The following RAB6A variants were observed in gnomAD, a reference collection of about 807,000 sequenced individuals.
The protein encoded by RAB6A is ras-related protein Rab-6A.
A neutral mutation model predicts 32.3 loss-of-function variants in RAB6A; 8 were observed. That is an observed-to-expected ratio of 0.25 (90% CI 0.15 to 0.45). RAB6A has a LOEUF of 0.45. Ranked by LOEUF, RAB6A falls within the 20% of genes least tolerant of loss-of-function variation. RAB6A has a pLI of 1.00. For missense variants in RAB6A, 104 were observed against 249.4 expected (o/e 0.42, Z 3.93); for synonymous variants, 73 against 82.1 (o/e 0.89, Z 0.60).
rs576899255 is a variant in RAB6A, at chr11:73,732,738, C to T, written c.71-1915G>A. ...GTGCACCACTGTACTACAGTCTGGG[C>T]GACACAGTGAGACTCTGTCTCAAAG... On this transcript the variant is annotated intron_variant, in intron 1 of 7. Coordinates refer to ENST00000336083, the MANE Select transcript of RAB6A (RefSeq NM_198896.2). Among the ~76,000 whole-genome samples, 25 of 152,184 alleles carry T rather than the reference C, an allele frequency of 1.6e-4. No homozygotes were observed. In the South Asian group the frequency reaches 2.7e-3, roughly 16 times the overall value.
intron 1 of RAB6A, among the ~76,000 whole-genome samples, chr11:73,747,548 A>C (rs1335202801): frequency 2.0e-5 from 3 of 152,060 alleles, no homozygotes; most frequent in Non-Finnish European, 4.4e-5. Context: ...ACAATTATCA[A>C]AACTAAGAAA....
At chr11:73,693,916 T>TC (rs1945615940) in intron 6 of RAB6A, among the ~76,000 whole-genome samples, 1 of 151,742 alleles carries the variant, frequency 6.6e-6, no homozygotes, top group Non-Finnish European at 1.5e-5. Flanking sequence ...CCACTGGCCC[T>TC]CCCCCATCCT....
chr11:73,717,604 C>T (rs913512176), intron 4 of RAB6A, among the ~76,000 whole-genome samples: 1 of 152,226 alleles, frequency 6.6e-6, no homozygotes, highest in South Asian at 2.1e-4. Context: ...ACCACCACAC[C>T]TGGCTAATTT....
chr11:73,740,926 AGTC>A (rs1032766250), intron 1 of RAB6A, among the ~76,000 whole-genome samples: 25 of 152,158 alleles, frequency 1.6e-4, no homozygotes, highest in South Asian at 1.0e-3. Flanking sequence ...ACACCTGTAC[AGTC>A]GTATTTAAAA....
intron 1 of RAB6A, among the ~76,000 whole-genome samples, chr11:73,743,580 T>C (rs1399265136): frequency 6.6e-6 from 1 of 151,648 alleles, no homozygotes; most frequent in Non-Finnish European, 1.5e-5. Flanking sequence ...TGAGACAGGA[T>C]CACTGCAGCC....
chr11:73,757,960 G>T (rs1946787121), intron 1 of RAB6A, among the ~76,000 whole-genome samples: 1 of 152,140 alleles, frequency 6.6e-6, no homozygotes, highest in Non-Finnish European at 1.5e-5. Context: ...TTCTTCTGTG[G>T]GAAATAAAAA....
chr11:73,757,121 ATATATATATTTTTTTTTT>A (rs1946767951), intron 1 of RAB6A, among the ~76,000 whole-genome samples: 1 of 47,718 alleles, frequency 2.1e-5, no homozygotes, highest in African/African-American at 1.0e-4. Context: ...ATATATATAT[ATATATATATTTTTTTTTT>A]TTTTTTTTTT....
At chr11:73,724,476 T>G (rs907671416) in intron 2 of RAB6A, among the ~76,000 whole-genome samples, 1 of 150,900 alleles carries the variant, frequency 6.6e-6, no homozygotes, top group African/African-American at 2.4e-5. Context: ...TTTTCCTAAA[T>G]GCATTTCGTT....
At chr11:73,709,858 T>TAC (rs1426223476) in intron 5 of RAB6A, among the ~76,000 whole-genome samples, 1 of 50,706 alleles carries the variant, frequency 2.0e-5, no homozygotes, top group Non-Finnish European at 4.9e-5. Context: ...TATACATATA[T>TAC]ACATATATAC....
chr11:73,678,443 C>T (rs1159189395), intron 7 of RAB6A, among the ~76,000 whole-genome samples: 3 of 152,044 alleles, frequency 2.0e-5, no homozygotes, highest in Admixed American at 1.3e-4. Context: ...ATGGCGAAAC[C>T]CCATCTCTAC....
chr11:73,710,136 T>G (rs1445204387), intron 5 of RAB6A, among the ~76,000 whole-genome samples: 12 of 2,328 alleles, frequency 5.2e-3, no homozygotes, highest in South Asian at 0.071. Flanking sequence ...TTTTTTGTGT[T>G]TTTTTTTTTT....
intron 1 of RAB6A, among the ~76,000 whole-genome samples, chr11:73,738,745 G>C (rs1946441830): frequency 6.6e-6 from 1 of 152,000 alleles, no homozygotes; most frequent in Non-Finnish European, 1.5e-5. Flanking sequence ...AGGAGTTTGA[G>C]GCCAGCCTGG....
chr11:73,738,831 T>C (rs1488223110), intron 1 of RAB6A, among the ~76,000 whole-genome samples: 3 of 150,518 alleles, frequency 2.0e-5, no homozygotes, highest in African/African-American at 7.3e-5. Flanking sequence ...GTAGTCCCAG[T>C]TACTTGAGAG....
intron 4 of RAB6A, among the ~76,000 whole-genome samples, chr11:73,718,067 C>T (rs1158464149): frequency 2.6e-5 from 4 of 151,964 alleles, no homozygotes; most frequent in African/African-American, 9.7e-5. Flanking sequence ...TTGTTAGCAA[C>T]AAAGTAAATA....
At chr11:73,731,040 T>C (rs1297816615) in intron 1 of RAB6A, among the ~76,000 whole-genome samples, 3 of 152,204 alleles carry the variant, frequency 2.0e-5, no homozygotes, top group Non-Finnish European at 2.9e-5. Flanking sequence ...AAACAGTCTA[T>C]AGTTAAAAGT....
chr11:73,696,881 G>A (rs544695325), intron 6 of RAB6A, among the ~76,000 whole-genome samples: 44 of 152,060 alleles, frequency 2.9e-4, no homozygotes, highest in African/African-American at 9.2e-4. Flanking sequence ...TGGGATTACC[G>A]GGCATGAGCC....
intron 6 of RAB6A, 37 bp downstream of exon 6, chr11:73,707,383 C>A: frequency 1.4e-6 from 2 of 1,441,944 alleles, no homozygotes; most frequent in Non-Finnish European, 2.0e-6. Flanking sequence ...ACAATTATTT[C>A]ATATTTTTTC....
intron 1 of RAB6A, among the ~76,000 whole-genome samples, chr11:73,752,188 G>A (rs1339288368): frequency 3.9e-5 from 6 of 152,198 alleles, no homozygotes; most frequent in African/African-American, 1.2e-4. Flanking sequence ...GCTGGGTGTG[G>A]TGACTCCCAC....
At chr11:73,751,819 ATTC>A (rs1220501593) in intron 1 of RAB6A, among the ~76,000 whole-genome samples, 11 of 152,182 alleles carry the variant, frequency 7.2e-5, no homozygotes, top group Non-Finnish European at 1.2e-4. Context: ...GCACTGAGTA[ATTC>A]TTCTTCAGGG....
Sources: gnomAD v4.1 joint callset for allele counts (sites outside exome capture counted in the v4.1 genomes callset) on GRCh38, gnomAD v4.1.1 for gene constraint, MANE v1.5 for transcripts, NCBI Gene and HGNC (gene_info 2026-07-23, HGNC 2026-07-21) for gene names.